The following CMTM8 variants were observed in gnomAD, a reference collection of about 807,000 sequenced individuals.
The protein encoded by CMTM8 is CKLF like MARVEL transmembrane domain containing 8.
In CMTM8, 12 loss-of-function variants were observed where a neutral mutation model predicts 18.6. The observed-to-expected ratio is 0.65, with a 90% CI of 0.41 to 1.05. CMTM8 has a LOEUF of 1.05. Among genes scored for constraint, CMTM8 ranks in the 50% least tolerant of loss-of-function variants. The pLI, the probability that CMTM8 is intolerant of heterozygous loss-of-function variation, is 0.00. For synonymous variants in CMTM8, 87 were observed against 90.6 expected, an observed-to-expected ratio of 0.96 and a Z score of 0.23; for missense variants, 217 against 227.2, an observed-to-expected ratio of 0.95 and a Z score of 0.29.
chr3:32,325,148 T>A (rs995629164), intron 1 of CMTM8, among the ~76,000 whole-genome samples: 1 of 152,254 alleles, frequency 6.6e-6, no homozygotes, highest in Admixed American at 6.5e-5. Flanking sequence ...GGTAGCATAT[T>A]CTGCCATCCT....
intron 1 of CMTM8, among the ~76,000 whole-genome samples, chr3:32,350,341 G>A (rs1696681129): frequency 6.7e-6 from 1 of 148,168 alleles, no homozygotes; most frequent in South Asian, 2.1e-4. Context: ...GTTATCCATT[G>A]TTCATATGTG....
chr3:32,323,927 C>T (rs1265849947), intron 1 of CMTM8, among the ~76,000 whole-genome samples: 3 of 152,168 alleles, frequency 2.0e-5, no homozygotes, highest in Admixed American at 6.5e-5. Flanking sequence ...TCTTTTTCTC[C>T]CCTGCAAAAT....
intron 1 of CMTM8, among the ~76,000 whole-genome samples, chr3:32,330,022 T>C (rs886919528): frequency 2.0e-5 from 3 of 148,266 alleles, no homozygotes; most frequent in Non-Finnish European, 2.9e-5. Context: ...ATAAAACACT[T>C]AGGTAAAAGA....
intron 3 of CMTM8, among the ~76,000 whole-genome samples, chr3:32,368,800 A>C (rs1366542991): frequency 6.7e-6 from 1 of 149,578 alleles, no homozygotes; most frequent in African/African-American, 2.5e-5. Context: ...GCATTTTTAA[A>C]CCATAAGTGT....
At chr3:32,338,808 G>A (rs985777860) in intron 1 of CMTM8, among the ~76,000 whole-genome samples, 3 of 152,194 alleles carry the variant, frequency 2.0e-5, no homozygotes, top group Non-Finnish European at 4.4e-5. Flanking sequence ...AGGAATTCAG[G>A]ATCAACGTGG....
chr3:32,298,085 G>C (rs752203964), intron 1 of CMTM8, among the ~76,000 whole-genome samples: 30 of 150,382 alleles, frequency 2.0e-4, no homozygotes, highest in South Asian at 4.2e-4. Flanking sequence ...GGTTGGGGGT[G>C]GGGGGCAGTG....
chr3:32,352,184 C>A (rs9839279), intron 1 of CMTM8, among the ~76,000 whole-genome samples: 114 of 754 alleles, frequency 0.15, 6 homozygotes, highest in Non-Finnish European at 0.41. Context: ...TGAAAAAAAA[C>A]ACACACACAC....
chr3:32,350,758 C>T (rs1247296465), intron 1 of CMTM8, among the ~76,000 whole-genome samples: 1 of 151,852 alleles, frequency 6.6e-6, no homozygotes, highest in African/African-American at 2.4e-5. Flanking sequence ...CTCCTGACCT[C>T]GTGATCCAGC....
At chr3:32,273,187 C>T in intron 1 of CMTM8, among the ~76,000 whole-genome samples, 1 of 144,660 alleles carries the variant, frequency 6.9e-6, no homozygotes, top group East Asian at 2.2e-4. Context: ...GTCTCAAACT[C>T]CTGGGCTCAA....
At chr3:32,261,134 A>G (rs1702251846) in intron 1 of CMTM8, among the ~76,000 whole-genome samples, 2 of 151,336 alleles carry the variant, frequency 1.3e-5, no homozygotes, top group Non-Finnish European at 2.9e-5. Context: ...AGGCAGGAGG[A>G]TTGCCTGGGC....
chr3:32,238,924 A>G lies in CMTM8; in HGVS notation c.-49A>G, dbSNP rs772996579. On this transcript the variant is annotated 5_prime_UTR_variant, in exon 1 of 4. Coordinates refer to ENST00000307526, the MANE Select transcript of CMTM8 (RefSeq NM_178868.5). ...GGCGCAGGGCCGCGCGTCCAGCCCC[A>G]GACCCGCCGGGGTCCCTGGGGACGC... 6.6e-7 allele frequency: 1 copy of G among 1,524,204 alleles called. No homozygotes were observed. The highest frequency in any genetic ancestry group is 1.2e-5 in the South Asian group (1 of 80,470). The allele number at this position is 1,524,204 out of a possible 1,614,324, so 94.4% of individuals were successfully genotyped here. A position where few individuals can be genotyped will look rare whatever the true frequency, so the allele number is the denominator to read the frequency against.
intron 1 of CMTM8, among the ~76,000 whole-genome samples, chr3:32,292,249 G>T (rs1435917530): frequency 6.6e-6 from 1 of 152,078 alleles, no homozygotes; most frequent in East Asian, 1.9e-4. Context: ...CATCATGCAG[G>T]GCAGTTTGAA....
At chr3:32,311,086 A>T (rs893910881) in intron 1 of CMTM8, among the ~76,000 whole-genome samples, 1 of 152,250 alleles carries the variant, frequency 6.6e-6, no homozygotes, top group Non-Finnish European at 1.5e-5. Flanking sequence ...GAAGCCAGAC[A>T]CAAAAGAGTA....
chr3:32,339,220 C>A (rs1478214802), intron 1 of CMTM8, among the ~76,000 whole-genome samples: 1 of 152,176 alleles, frequency 6.6e-6, no homozygotes, highest in Admixed American at 6.5e-5. Flanking sequence ...CCATTGCCTG[C>A]TGGGAAAATC....
intron 1 of CMTM8, among the ~76,000 whole-genome samples, chr3:32,263,054 T>C (rs531478459): frequency 1.3e-5 from 2 of 151,636 alleles, no homozygotes; most frequent in Middle Eastern, 6.8e-3. Flanking sequence ...GTGTGAACGA[T>C]GCAGAAGACA....
At chr3:32,347,165 A>G (rs1417107162) in intron 1 of CMTM8, among the ~76,000 whole-genome samples, 1 of 152,094 alleles carries the variant, frequency 6.6e-6, no homozygotes, top group Non-Finnish European at 1.5e-5. Context: ...TTCTGTGTTT[A>G]TTATCCTTAC....
intron 1 of CMTM8, among the ~76,000 whole-genome samples, chr3:32,315,907 C>G (rs902010763): frequency 6.6e-6 from 1 of 151,816 alleles, no homozygotes; most frequent in South Asian, 2.1e-4. Context: ...GAATTGGATC[C>G]ATTTTGAGAA....
At chr3:32,242,826 A>G (rs1575142549) in intron 1 of CMTM8, among the ~76,000 whole-genome samples, 1 of 150,666 alleles carries the variant, frequency 6.6e-6, no homozygotes, top group Non-Finnish European at 1.5e-5. Flanking sequence ...ACTCCTCCCC[A>G]TTTTTACAAA....
At chr3:32,249,496 T>C (rs1425262042) in intron 1 of CMTM8, among the ~76,000 whole-genome samples, 1 of 152,160 alleles carries the variant, frequency 6.6e-6, no homozygotes, top group Admixed American at 6.5e-5. Flanking sequence ...CCGTACTGCT[T>C]TACAATCCCT....
Sources: allele counts gnomAD v4.1 joint callset (sites outside exome capture counted in the v4.1 genomes callset), GRCh38; gene constraint gnomAD v4.1.1; transcripts MANE v1.5; gene names NCBI Gene and HGNC (gene_info 2026-07-23, HGNC 2026-07-21).